DCAF7: variants seen among roughly 807,000 people sequenced by gnomAD.
DCAF7 encodes the protein DDB1- and CUL4-associated factor 7.
In DCAF7, 4 loss-of-function variants were observed where a neutral mutation model predicts 41.2. The ratio of observed to expected loss-of-function variants is 0.10; its 90% CI spans 0.05 to 0.22. The LOEUF (loss-of-function observed/expected upper bound fraction) is 0.22, where lower values mean the gene tolerates loss of function less well. Ranked by LOEUF, DCAF7 falls within the 10% of genes least tolerant of loss-of-function variation. The pLI is 1.00. For synonymous variants in DCAF7, 143 were observed against 164.2 expected (o/e 0.87, Z 0.99); for missense variants, 131 against 443.2 (o/e 0.30, Z 6.32).
intron 1 of DCAF7, among the ~76,000 whole-genome samples, chr17:63,566,057 C>T (rs1266346350): frequency 3.3e-5 from 5 of 152,146 alleles, no homozygotes; most frequent in Non-Finnish European, 4.4e-5. Context: ...GCCAAGATTA[C>T]ACCACTGCAC....
At position 63,589,338 on chromosome 17, in the gene DCAF7, GC is replaced by G. The variant is rs1341652680; in HGVS notation, c.*169del. 1.2e-5 allele frequency: 11 copies of G among 899,406 alleles called. No individual in the cohort carries two copies. The African/African-American group carries it at 1.8e-4, about 15-fold the overall frequency. 55.7% of individuals were successfully genotyped at this position (899,406 alleles called of 1,614,324 possible). On this transcript the variant is annotated 3_prime_UTR_variant, in exon 7 of 7. Coordinates refer to ENST00000614556, the MANE Select transcript of DCAF7 (RefSeq NM_005828.5). ...GGAGTTCCTGGCCAGTCACCCCATC[GC>G]CCTCTGTGGCAGACTCAGTGCTGTG...
intron 1 of DCAF7, among the ~76,000 whole-genome samples, chr17:63,574,272 A>G (rs1171377445): frequency 1.3e-5 from 2 of 152,134 alleles, no homozygotes; most frequent in Non-Finnish European, 2.9e-5. Flanking sequence ...CATTTGAATT[A>G]TTGCTGTTTC....
intron 1 of DCAF7, among the ~76,000 whole-genome samples, chr17:63,568,290 C>T (rs1182183510): frequency 2.6e-5 from 4 of 152,088 alleles, no homozygotes; most frequent in Non-Finnish European, 4.4e-5. Flanking sequence ...AGTGAGCCAC[C>T]GTGCCCAGGT....
At chr17:63,563,597 C>G (rs889220782) in intron 1 of DCAF7, among the ~76,000 whole-genome samples, 2 of 152,020 alleles carry the variant, frequency 1.3e-5, no homozygotes, top group African/African-American at 4.8e-5. Flanking sequence ...CCCTGGAGCT[C>G]AAGAGTTTGA....
intron 4 of DCAF7, among the ~76,000 whole-genome samples, chr17:63,582,709 T>C (rs2147776576): frequency 6.6e-6 from 1 of 152,274 alleles, no homozygotes; most frequent in East Asian, 1.9e-4. Flanking sequence ...GACCTTGTGA[T>C]CCGCCCGCCT....
intron 1 of DCAF7, among the ~76,000 whole-genome samples, chr17:63,557,404 G>T (rs1035601251): frequency 1.3e-5 from 2 of 152,114 alleles, no homozygotes; most frequent in Admixed American, 6.6e-5. Flanking sequence ...AGCTACTTGG[G>T]ACACTGAGGC....
chr17:63,577,668 G>C (rs947192633), intron 1 of DCAF7, among the ~76,000 whole-genome samples: 1 of 152,124 alleles, frequency 6.6e-6, no homozygotes, highest in Non-Finnish European at 1.5e-5. Flanking sequence ...GTTGAGTTTG[G>C]GGTTGGTGAG....
At chr17:63,552,380 C>T (rs2147755282) in intron 1 of DCAF7, 1 of 152,334 alleles carries the variant, frequency 6.6e-6, no homozygotes, top group East Asian at 1.9e-4. Flanking sequence ...ATTGTCCAGA[C>T]ATTACACATA....
intron 1 of DCAF7, among the ~76,000 whole-genome samples, chr17:63,559,375 G>GTA (rs1442169231): frequency 2.0e-4 from 16 of 81,164 alleles, no homozygotes; most frequent in Non-Finnish European, 3.1e-4. Context: ...ATATATATAT[G>GTA]TGTATATATA....
At chr17:63,563,231 A>G (rs2033403351) in intron 1 of DCAF7, among the ~76,000 whole-genome samples, 1 of 152,258 alleles carries the variant, frequency 6.6e-6, no homozygotes, top group African/African-American at 2.4e-5. Context: ...GAGGAAATGC[A>G]AGTGATCAGT....
intron 1 of DCAF7, among the ~76,000 whole-genome samples, chr17:63,567,349 T>G (rs2033454531): frequency 6.6e-6 from 1 of 152,146 alleles, no homozygotes; most frequent in Non-Finnish European, 1.5e-5. Flanking sequence ...TTGTAATTCC[T>G]CTCAATATTT....
In DCAF7 at chr17:63,550,537, T is replaced by G. The variant is rs1598022456; in HGVS notation, c.-141T>G. 6.0e-6 allele frequency: 8 copies of G among 1,338,844 alleles called. No homozygotes were observed. Among genetic ancestry groups the G allele is most frequent in the Non-Finnish European group, 7.9e-6 (8 of 1,010,614 alleles). 82.9% of individuals were successfully genotyped at this position (1,338,844 alleles called of 1,614,324 possible). On this transcript the variant is annotated 5_prime_UTR_variant, in exon 1 of 7. Coordinates refer to ENST00000614556, the MANE Select transcript of DCAF7 (RefSeq NM_005828.5). This position sits in a 1 kb window ranked among gnomAD's most constrained non-coding sequence, Gnocchi z 4.8. ...CGGGCTCGGCCGTCGTCGTTGTTTGTCGCCGCATCCCCGCTTCCGGGTTAG... is the reference window on the plus strand; with the variant it reads ...CGGGCTCGGCCGTCGTCGTTGTTTGGCGCCGCATCCCCGCTTCCGGGTTAG...
chr17:63,568,624 T>G (rs1378682643), intron 1 of DCAF7, among the ~76,000 whole-genome samples: 1 of 152,194 alleles, frequency 6.6e-6, no homozygotes, highest in Admixed American at 6.5e-5. Context: ...TGGCTTGATT[T>G]AACGTTCGTT....
intron 4 of DCAF7, among the ~76,000 whole-genome samples, chr17:63,581,503 C>T (rs367555932): frequency 2.0e-5 from 3 of 152,134 alleles, no homozygotes; most frequent in Non-Finnish European, 2.9e-5. Flanking sequence ...CTGGCAGAGA[C>T]GCTTCTAGGA....
intron 1 of DCAF7, among the ~76,000 whole-genome samples, chr17:63,561,158 A>G (rs1306268740): frequency 2.0e-5 from 3 of 152,062 alleles, no homozygotes; most frequent in Non-Finnish European, 4.4e-5. Flanking sequence ...CCAGCTACTT[A>G]GGAGGCTGAG....
At chr17:63,568,930 A>G (rs1464563584) in intron 1 of DCAF7, among the ~76,000 whole-genome samples, 2 of 152,232 alleles carry the variant, frequency 1.3e-5, no homozygotes, top group Non-Finnish European at 2.9e-5. Flanking sequence ...CTAAAACTAG[A>G]TAGCTTTTGG....
At chr17:63,575,584 C>T (rs2033553434) in intron 1 of DCAF7, among the ~76,000 whole-genome samples, 1 of 151,966 alleles carries the variant, frequency 6.6e-6, no homozygotes, top group Admixed American at 6.6e-5. Flanking sequence ...CCTGTAGTCC[C>T]AGCTAAGGCA....
chr17:63,585,426 C>A, intron 6 of DCAF7, 98 bp downstream of exon 6: 1 of 1,112,604 alleles, frequency 9.0e-7, no homozygotes, highest in Non-Finnish European at 1.3e-6. Flanking sequence ...TAAGCACAGT[C>A]TTGAGAGATT....
rs550188568 is a variant in DCAF7, at chr17:63,550,618, G to C, written c.-60G>C. Reference sequence around the variant, plus strand: ...CTTCGGACCCATAGATCTCAGGCTCGGCTCCCCGCCCGCCGCAGCCCACTG... The same window carrying C: ...CTTCGGACCCATAGATCTCAGGCTCCGCTCCCCGCCCGCCGCAGCCCACTG... On this transcript the variant is annotated 5_prime_UTR_variant, in exon 1 of 7. Transcript: ENST00000614556. This position sits in a 1 kb window ranked among gnomAD's most constrained non-coding sequence, Gnocchi z 4.8. The C allele has an allele frequency of 6.5e-5, 103 of 1,593,488 alleles. 1 individual carries two copies. Among genetic ancestry groups the C allele is most frequent in the African/African-American group, 4.0e-5 (3 of 74,732 alleles).
Sources: allele counts gnomAD v4.1 joint callset (sites outside exome capture counted in the v4.1 genomes callset), GRCh38; gene constraint gnomAD v4.1.1; non-coding constraint Gnocchi (gnomAD v3.1); transcripts MANE v1.5; gene names NCBI Gene and HGNC (gene_info 2026-07-23, HGNC 2026-07-21).